Variants in SUMF1 observed in about 807,000 individuals in gnomAD.
The protein encoded by SUMF1 is formylglycine-generating enzyme.
A neutral mutation model predicts 47.6 loss-of-function variants in SUMF1; 48 were observed. The ratio of observed to expected loss-of-function variants is 1.01; its 90% CI spans 0.80 to 1.28. The LOEUF is 1.28. SUMF1 is among the 50% of genes most tolerant of loss of function. The probability of loss-of-function intolerance (pLI) is 0.00; values close to 1 mark genes in which losing one functional copy is unlikely to be tolerated. For synonymous variants in SUMF1, 230 were observed against 192.1 expected (o/e 1.20, Z -1.63); for missense variants, 571 against 485.4 (o/e 1.18, Z -1.66).
At chr3:4,412,876 G>T (rs1021215764) in intron 6 of SUMF1, among the ~76,000 whole-genome samples, 1 of 152,112 alleles carries the variant, frequency 6.6e-6, no homozygotes, top group South Asian at 2.1e-4. Flanking sequence ...GTGACACAGC[G>T]AGATTACGTC....
chr3:4,168,282 A>G (rs567956228), intron 8 of SUMF1, among the ~76,000 whole-genome samples: 1 of 152,318 alleles, frequency 6.6e-6, no homozygotes, highest in East Asian at 1.9e-4. Context: ...GCCCAAAAAC[A>G]TATGCAAAAT....
intron 8 of SUMF1, among the ~76,000 whole-genome samples, chr3:4,367,756 A>G (rs1700027663): frequency 6.6e-6 from 1 of 152,108 alleles, no homozygotes. Flanking sequence ...TATTTAATAA[A>G]TGGTGCTGGG....
rs185339226 is a variant in SUMF1 at position 4,084,936 on chromosome 3, T to G, written c.1015-16191A>C. On this transcript the variant is annotated intron_variant and NMD_transcript_variant, in intron 8 of 12. Coordinates refer to the SUMF1 transcript ENST00000448413. ...CAGGTCAAGTTTCAAACAGACCATC[T>G]TGAATCTTCCAGTGACTACAAGTCA... Among the ~76,000 whole-genome samples the G allele has an allele frequency of 6.4e-3, 969 of 152,220 alleles. 10 individuals carry two copies. The highest frequency in any genetic ancestry group is 0.022 in the African/African-American group (921 of 41,504).
intron 3 of SUMF1, among the ~76,000 whole-genome samples, chr3:4,427,096 T>G (rs189830239): frequency 6.6e-6 from 1 of 152,334 alleles, no homozygotes; most frequent in Admixed American, 6.5e-5. Context: ...TTGCCAGAGG[T>G]GGCAAATTAT....
chr3:4,111,142 C>T (rs539398341), intron 8 of SUMF1, among the ~76,000 whole-genome samples: 1 of 150,590 alleles, frequency 6.6e-6, no homozygotes, highest in South Asian at 2.1e-4. Flanking sequence ...GGTTCCAGGA[C>T]CCCTACATGT....
At chr3:4,056,518 T>TA (rs1157671369) in intron 9 of SUMF1, among the ~76,000 whole-genome samples, 3 of 151,922 alleles carry the variant, frequency 2.0e-5, no homozygotes, top group Non-Finnish European at 4.4e-5. Context: ...TACAAAAACT[T>TA]AAAAAATAGC....
At chr3:4,442,133 G>C (rs1316683934) in intron 3 of SUMF1, among the ~76,000 whole-genome samples, 1 of 152,198 alleles carries the variant, frequency 6.6e-6, no homozygotes, top group African/African-American at 2.4e-5. Context: ...GGAAAGCATG[G>C]AGGGACAGTT....
intron 8 of SUMF1, among the ~76,000 whole-genome samples, chr3:4,366,112 G>A (rs1371911134): frequency 6.6e-5 from 10 of 151,948 alleles, no homozygotes; most frequent in East Asian, 3.9e-4. Flanking sequence ...GCTTCCCTTC[G>A]TGGGTAACCC....
intron 8 of SUMF1, among the ~76,000 whole-genome samples, chr3:4,297,441 C>T (rs184663791): frequency 3.9e-5 from 6 of 152,184 alleles, no homozygotes; most frequent in Non-Finnish European, 5.9e-5. Context: ...CTCTCTCCGT[C>T]GCCCAATCCA....
At chr3:4,098,292 G>T (rs575070745) in intron 8 of SUMF1, among the ~76,000 whole-genome samples, 11 of 152,126 alleles carry the variant, frequency 7.2e-5, no homozygotes, top group African/African-American at 2.4e-4. Context: ...TTAGAAGCAA[G>T]TATGTTTCTA....
intron 8 of SUMF1, among the ~76,000 whole-genome samples, chr3:4,212,779 AGCC>A (rs1257767334): frequency 6.6e-6 from 1 of 152,196 alleles, no homozygotes; most frequent in Non-Finnish European, 1.5e-5. Flanking sequence ...AAGTATCAAT[AGCC>A]GAATTGATCA....
chr3:4,111,200 T>G (rs918086155), intron 8 of SUMF1, among the ~76,000 whole-genome samples: 2 of 151,814 alleles, frequency 1.3e-5, no homozygotes, highest in Admixed American at 6.6e-5. Context: ...TAGTGGAACT[T>G]GGGTATAGGA....
chr3:4,088,150 C>G (rs77961314), intron 8 of SUMF1, among the ~76,000 whole-genome samples: 4,991 of 152,122 alleles, frequency 0.033, 301 homozygotes, highest in African/African-American at 0.11. Flanking sequence ...GGTGAGTGTT[C>G]TCTTTGGACA....
At chr3:4,197,829 C>T (rs1258027073) in intron 8 of SUMF1, among the ~76,000 whole-genome samples, 1 of 152,090 alleles carries the variant, frequency 6.6e-6, no homozygotes, top group Non-Finnish European at 1.5e-5. Context: ...GAAGAAAGTG[C>T]CATTCTGCCA....
At chr3:4,122,986 A>G (rs1693578544) in intron 8 of SUMF1, among the ~76,000 whole-genome samples, 1 of 152,212 alleles carries the variant, frequency 6.6e-6, no homozygotes, top group African/African-American at 2.4e-5. Context: ...ATAGGTATTC[A>G]GCATTTCCTT....
intron 8 of SUMF1, among the ~76,000 whole-genome samples, chr3:4,186,848 T>A (rs1003673209): frequency 1.3e-5 from 2 of 152,146 alleles, no homozygotes; most frequent in African/African-American, 2.4e-5. Context: ...TGAGCCACAA[T>A]CTTCTCTTTC....
intron 8 of SUMF1, among the ~76,000 whole-genome samples, chr3:4,324,496 C>A (rs557996207): frequency 4.0e-4 from 61 of 152,002 alleles, no homozygotes; most frequent in Non-Finnish European, 5.2e-4. Flanking sequence ...GGAGAGGGGA[C>A]AAAAAGAGGT....
At position 4,420,251 on chromosome 3, in the gene SUMF1, T is replaced by C. The variant is rs552154896; in HGVS notation, c.520-105A>G. 1.3e-5 allele frequency: 11 copies of C among 826,302 alleles called. No homozygotes were observed. The South Asian group carries it at 1.4e-4, about 10-fold the overall frequency. 51.2% of individuals were successfully genotyped at this position (826,302 alleles called of 1,614,324 possible). Reference sequence around the variant, plus strand: ...AATCTCAATGTCTTCAACTTCCATTTGGATTACCAAACAAATACATTTGCC... The same window carrying C: ...AATCTCAATGTCTTCAACTTCCATTCGGATTACCAAACAAATACATTTGCC... On this transcript the variant is annotated intron_variant, in intron 3 of 8. Transcript: ENST00000272902.
chr3:4,214,611 C>A lies in SUMF1; in HGVS notation c.1015-145866G>T, dbSNP rs574169085. On this transcript the variant is annotated intron_variant and NMD_transcript_variant, in intron 8 of 12. Transcript: ENST00000448413. ...AAAAACCCTTCAAAAAATCAATGAA[C>A]CCAGGAGCTGTTTTTTGAAAAGATC... Among the ~76,000 whole-genome samples, 14 of 152,058 alleles carry A rather than the reference C, an allele frequency of 9.2e-5. No homozygotes were observed. The South Asian group carries it at 2.7e-3, about 29-fold the overall frequency.
Sources: gnomAD v4.1 joint callset for allele counts (sites outside exome capture counted in the v4.1 genomes callset) on GRCh38, gnomAD v4.1.1 for gene constraint, MANE v1.5 for transcripts, NCBI Gene and HGNC (gene_info 2026-07-23, HGNC 2026-07-21) for gene names.